The following MBOAT1 variants were observed in gnomAD, a reference collection of about 807,000 sequenced individuals.
The protein encoded by MBOAT1 is membrane-bound glycerophospholipid O-acyltransferase 1.
MBOAT1 carries 67 observed loss-of-function variants against 64.4 expected under a neutral mutation model. The ratio of observed to expected loss-of-function variants is 1.04; its 90% CI spans 0.85 to 1.27. The LOEUF is 1.27. Ranked by LOEUF, MBOAT1 falls within the 50% of genes most tolerant of loss-of-function variation. MBOAT1 has a pLI of 0.00. For missense variants in MBOAT1, 563 were observed against 604.6 expected, an observed-to-expected ratio of 0.93 and a Z score of 0.72; for synonymous variants, 229 against 218.9, an observed-to-expected ratio of 1.05 and a Z score of -0.41.
chr6:20,166,825 G>T (rs1437264065), intron 1 of MBOAT1, among the ~76,000 whole-genome samples: 1 of 152,072 alleles, frequency 6.6e-6, no homozygotes, highest in Non-Finnish European at 1.5e-5. Flanking sequence ...TGTAGTCCTA[G>T]CTACTTGAGA....
At chr6:20,109,899 GGAC>G in intron 11 of MBOAT1, 150 bp from the exon 12 acceptor site, 1 of 414,304 alleles carries the variant, frequency 2.4e-6, no homozygotes, top group Non-Finnish European at 4.0e-6. Flanking sequence ...AATACCATCA[GGAC>G]TTTTTTTTTT....
intron 1 of MBOAT1, 120 bp downstream of exon 1, chr6:20,212,016 T>G: frequency 1.3e-6 from 1 of 748,146 alleles, no homozygotes; most frequent in Non-Finnish European, 2.2e-6. Flanking sequence ...AAACCAACTG[T>G]CTAGTGTGTG....
In MBOAT1 at chr6:20,131,150, G is replaced by GA; in HGVS notation, c.468dup (p.His157SerfsTer2). On this transcript the variant is annotated frameshift_variant, in exon 5 of 13. Transcript: ENST00000324607. LOFTEE classifies it high-confidence loss of function. ...GGAGGGCTGCTGTTCTTACCATCATGAACCTGGAATGCCAAGGTTGTGATC... is the reference window on the plus strand; with the variant it reads ...GGAGGGCTGCTGTTCTTACCATCATGAAACCTGGAATGCCAAGGTTGTGATC... 1 of 1,613,706 alleles carries GA rather than the reference G, an allele frequency of 6.2e-7. No individual in the cohort carries two copies. The highest frequency in any genetic ancestry group is 2.2e-5 in the East Asian group (1 of 44,882).
chr6:20,133,673 G>A (rs766299533), intron 4 of MBOAT1, among the ~76,000 whole-genome samples: 4 of 152,192 alleles, frequency 2.6e-5, no homozygotes, highest in Non-Finnish European at 5.9e-5. Flanking sequence ...AATTGATAAA[G>A]AGATAAGACG....
chr6:20,157,971 C>T (rs149766662), intron 1 of MBOAT1, among the ~76,000 whole-genome samples: 3 of 151,990 alleles, frequency 2.0e-5, no homozygotes, highest in African/African-American at 7.2e-5. Context: ...GCCTGGCCAA[C>T]ATGACGAAAC....
At chr6:20,185,474 A>G (rs1189510752) in intron 1 of MBOAT1, among the ~76,000 whole-genome samples, 1 of 152,172 alleles carries the variant, frequency 6.6e-6, no homozygotes, top group Non-Finnish European at 1.5e-5. Context: ...TAATAGAAAA[A>G]GTTTGACCTC....
In MBOAT1 at chr6:20,199,923, G is replaced by A. The variant is rs184199283; in HGVS notation, c.99+12213C>T. Among the ~76,000 whole-genome samples the A allele has an allele frequency of 1.0e-3, 153 of 152,244 alleles. 1 individual carries two copies. Among genetic ancestry groups the A allele is most frequent in the African/African-American group, 3.5e-3 (145 of 41,532 alleles). On this transcript the variant is annotated intron_variant, in intron 1 of 12. Transcript: ENST00000324607. ...GCGGAGGTTGCAGTGAGCCAAGATCGTGCCACTGCACTCCAGCCTGGGCAA... is the reference window on the plus strand; with the variant it reads ...GCGGAGGTTGCAGTGAGCCAAGATCATGCCACTGCACTCCAGCCTGGGCAA...
chr6:20,107,468 C>T (rs1759993681), intron 12 of MBOAT1, among the ~76,000 whole-genome samples: 1 of 152,150 alleles, frequency 6.6e-6, no homozygotes, highest in Non-Finnish European at 1.5e-5. Flanking sequence ...AAAGATGCCC[C>T]CAGTGCCTAG....
intron 1 of MBOAT1, among the ~76,000 whole-genome samples, chr6:20,192,685 A>C (rs1762835164): frequency 6.6e-6 from 1 of 152,236 alleles, no homozygotes; most frequent in Non-Finnish European, 1.5e-5. Flanking sequence ...AGAGCGCACT[A>C]AAACCTTTCC....
chr6:20,175,311 C>T (rs919158547), intron 1 of MBOAT1, among the ~76,000 whole-genome samples: 3 of 152,034 alleles, frequency 2.0e-5, no homozygotes, highest in Non-Finnish European at 2.9e-5. Flanking sequence ...AGTGCAGTGG[C>T]GAGATTATAG....
chr6:20,113,917 G>A lies in MBOAT1; in HGVS notation c.1077-909C>T, dbSNP rs370919591. Among the ~76,000 whole-genome samples the A allele has an allele frequency of 1.7e-4, 26 of 152,176 alleles. No homozygotes were observed. In the East Asian group the frequency reaches 2.3e-3, roughly 14 times the overall value. ...ACTGTATGGGTGGTCAACAGTAACC[G>A]ATTTAAACACAAACTAAGCACTATG... On this transcript the variant is annotated intron_variant, in intron 10 of 12. Coordinates refer to ENST00000324607, the MANE Select transcript of MBOAT1 (RefSeq NM_001080480.3).
Position 20,113,018 on chromosome 6 carries a change from G to C in MBOAT1, c.1077-10C>G, listed in dbSNP as rs1237449971. The C allele has an allele frequency of 1.9e-6, 3 of 1,611,424 alleles. No homozygotes were observed. The Admixed American group carries it at 5.0e-5, about 27-fold the overall frequency. The stretch of plus-strand genomic sequence containing the variant: ...CCGCTGATAGCACACACTGTGAAGA[G>C]AGGAAGGAACAAGACACAGGTGAAA... On this transcript the variant is annotated splice_polypyrimidine_tract_variant and intron_variant, in intron 10 of 12. Transcript: ENST00000324607.
intron 8 of MBOAT1, among the ~76,000 whole-genome samples, chr6:20,123,898 T>C (rs1358741785): frequency 6.7e-6 from 1 of 150,030 alleles, no homozygotes; most frequent in South Asian, 2.1e-4. Context: ...CTACTAAAAA[T>C]ACAAAAAAAA....
chr6:20,211,175 A>C (rs1184486948), intron 1 of MBOAT1, among the ~76,000 whole-genome samples: 1 of 152,094 alleles, frequency 6.6e-6, no homozygotes. Context: ...TCACTTTCTC[A>C]TTGCTGAAGG....
intron 1 of MBOAT1, among the ~76,000 whole-genome samples, chr6:20,184,880 AGTGTGTGT>A (rs58865791): frequency 2.8e-5 from 4 of 142,866 alleles, no homozygotes; most frequent in East Asian, 2.1e-4. Flanking sequence ...TTATAACTGC[AGTGTGTGT>A]GTGTGTGTGT....
intron 8 of MBOAT1, among the ~76,000 whole-genome samples, chr6:20,123,115 C>G (rs77549727): frequency 0.088 from 13,341 of 151,782 alleles, 680 homozygotes; most frequent in Admixed American, 0.14. Context: ...TAGTCATGAG[C>G]CATTACACCC....
At chr6:20,133,498 G>A (rs763718236) in intron 4 of MBOAT1, among the ~76,000 whole-genome samples, 91 of 152,178 alleles carry the variant, frequency 6.0e-4, no homozygotes, top group Non-Finnish European at 5.9e-4. Context: ...ACTCAAGGTA[G>A]TTTCCAAACA....
At chr6:20,184,946 G>A (rs1409432347) in intron 1 of MBOAT1, among the ~76,000 whole-genome samples, 1 of 148,074 alleles carries the variant, frequency 6.8e-6, no homozygotes, top group Non-Finnish European at 1.5e-5. Context: ...TGAAGATAAG[G>A]ACAAGTTTTA....
chr6:20,189,960 C>T (rs1762758554), intron 1 of MBOAT1, among the ~76,000 whole-genome samples: 1 of 151,742 alleles, frequency 6.6e-6, no homozygotes, highest in Non-Finnish European at 1.5e-5. Flanking sequence ...TATATCCTGG[C>T]TATTGTGAAA....
Sources: gnomAD v4.1 joint callset for allele counts (sites outside exome capture counted in the v4.1 genomes callset) on GRCh38, gnomAD v4.1.1 for gene constraint, MANE v1.5 for transcripts, NCBI Gene and HGNC (gene_info 2026-07-23, HGNC 2026-07-21) for gene names.